Variants in LAMA5 observed in about 807,000 individuals in gnomAD.
The protein encoded by LAMA5 is laminin subunit alpha 5.
In LAMA5, 260 loss-of-function variants were observed where a neutral mutation model predicts 433.4. That is an observed-to-expected ratio of 0.60 (90% CI 0.54 to 0.66). The LOEUF is 0.66. LAMA5 is among the 30% of genes least tolerant of loss of function. LAMA5 has a pLI of 0.00. For missense variants in LAMA5, 5,378 were observed against 5,258.5 expected (o/e 1.02, Z -0.70); for synonymous variants, 2,620 against 2,226.6 (o/e 1.18, Z -4.97).
At position 62,362,527 on chromosome 20, in the gene LAMA5, G is replaced by A; in HGVS notation, c.323C>T (p.Ala108Val). Reference protein sequence around the residue: ...IRGQYCDICTAANSNKAHPAS... With the variant: ...IRGQYCDICTVANSNKAHPAS... ...GGGGTGTGCCTTGTTGCTGTTGGCA[G>A]CCGTGCAGATGTCACAGTACTGGCC... is the stretch of plus-strand genomic sequence containing the variant. Residue 108 changes from alanine to valine, a missense_variant, in exon 2 of 80, where the codon GCT (alanine) becomes GTT (valine). Coordinates refer to ENST00000252999, the MANE Select transcript of LAMA5 (RefSeq NM_005560.6). 2 of 1,599,050 alleles carry A rather than the reference G, an allele frequency of 1.3e-6. No individual in the cohort carries two copies. Among genetic ancestry groups the A allele is most frequent in the Non-Finnish European group, 8.5e-7 (1 of 1,171,764 alleles).
intron 25 of LAMA5, 57 bp from the exon 26 acceptor site, chr20:62,333,300 C>T: frequency 6.3e-7 from 1 of 1,588,970 alleles, no homozygotes; most frequent in East Asian, 2.2e-5. Context: ...CAGAGACAGC[C>T]TGAGTGGGGG....
chr20:62,313,185 C>T lies in LAMA5; in HGVS notation c.8858G>A (p.Arg2953His), dbSNP rs771847671. The T allele has an allele frequency of 7.2e-5, 113 of 1,563,240 alleles. No homozygotes were observed. In the Admixed American group the frequency reaches 9.4e-4, roughly 13 times the overall value. ...GSYLDGTGFA[R>H]ISFDSQISTT... Reference sequence around the variant, plus strand: ...GCTGATCTGACTGTCGAAGCTGATGCGGGCGAAGCCGGTGCCGTCCAGGTA... The same window carrying T: ...GCTGATCTGACTGTCGAAGCTGATGTGGGCGAAGCCGGTGCCGTCCAGGTA... The change falls in exon 65 of 80, where the codon CGC becomes CAC. Residue 2953 changes from arginine to histidine, a missense_variant. Arg to His is a conservative substitution (Grantham distance 29). Transcript: ENST00000252999.
intron 1 of LAMA5, among the ~76,000 whole-genome samples, chr20:62,362,850 C>T (rs77586972): frequency 7.6e-6 from 1 of 131,940 alleles, no homozygotes; most frequent in Non-Finnish European, 1.6e-5. Context: ...AGCGGGGTGG[C>T]GTCTGAGCAC....
intron 53 of LAMA5, 79 bp downstream of exon 53, chr20:62,318,375 G>GGAGGATGAGAGGAGGGGAGGC: frequency 9.7e-7 from 1 of 1,035,678 alleles, no homozygotes; most frequent in Non-Finnish European, 1.4e-6. Context: ...GGAGGGGAGG[G>GGAGGATGAGAGGAGGGGAGGC]GAGGAGCCGG....
chr20:62,310,784 C>T lies in LAMA5; in HGVS notation c.10327G>A (p.Gly3443Arg), dbSNP rs772529811. 5.2e-5 allele frequency: 80 copies of T among 1,551,148 alleles called. 1 individual carries two copies. The highest frequency in any genetic ancestry group is 4.0e-4 in the Admixed American group (21 of 52,860). The change falls in exon 75 of 80, where the codon GGG (glycine) becomes AGG (arginine). Residue 3443 changes from glycine (G) to arginine (R), a missense_variant. By Grantham distance (125) the Gly-to-Arg change is moderately radical (BLOSUM62 -2). Coordinates refer to ENST00000252999, the MANE Select transcript of LAMA5 (RefSeq NM_005560.6). ...EKNRILLVTD[G>R]ARAWSQEGPH... ...CCCTCCTGGCTCCAGGCCCGGGCCC[C>T]GTCCGTCACCAGCAGGATCCGGTTC... is the stretch of plus-strand genomic sequence containing the variant.
chr20:62,335,182 C>T (rs1372428529), intron 19 of LAMA5, 35 bp downstream of exon 19: 1 of 1,612,506 alleles, frequency 6.2e-7, no homozygotes, highest in African/African-American at 1.3e-5. Flanking sequence ...ACCAGTGTGC[C>T]CCCAAATCCC....
chr20:62,353,637 GAAC>G (rs1483867273), intron 2 of LAMA5, among the ~76,000 whole-genome samples: 1 of 152,120 alleles, frequency 6.6e-6, no homozygotes, highest in African/African-American at 2.4e-5. Context: ...GTGGAGGCAG[GAAC>G]ACACCCCAGT....
At chr20:62,350,331 G>A (rs1371947799) in intron 6 of LAMA5, among the ~76,000 whole-genome samples, 1 of 152,098 alleles carries the variant, frequency 6.6e-6, no homozygotes, top group Non-Finnish European at 1.5e-5. Context: ...AGCAACAAGT[G>A]CCTGGGTGGG....
At position 62,311,321 on chromosome 20, in the gene LAMA5, T is replaced by C. The variant is rs758808375; in HGVS notation, c.9943-14A>G. 6.4e-7 allele frequency: 1 copy of C among 1,551,940 alleles called. No individual in the cohort carries two copies. Among genetic ancestry groups the C allele is most frequent in the African/African-American group, 1.4e-5 (1 of 73,444 alleles). On this transcript the variant is annotated splice_polypyrimidine_tract_variant and intron_variant, in intron 72 of 79. Coordinates refer to ENST00000252999, the MANE Select transcript of LAMA5 (RefSeq NM_005560.6). ...GCGGCGGGAGGCCTGGGGGCGTGGA[T>C]GGTGAATGCAGGGGCCGCCCACACA...
In LAMA5 at chr20:62,322,369, G is replaced by T; in HGVS notation, c.6246C>A (p.His2082Gln). The change falls in exon 47 of 80, where the codon CAC becomes CAA. Residue 2082 changes from histidine to glutamine, a missense_variant. Transcript: ENST00000252999. ...GGCAGTGGCACTGTCCGCTCTGGGGGTGGCACTCGGAGCCCTCGGCGGCCG... is the reference window on the plus strand; with the variant it reads ...GGCAGTGGCACTGTCCGCTCTGGGGTTGGCACTCGGAGCCCTCGGCGGCCG... ...CGPAAEGSEC[H>Q]PQSGQCHCRP... 6.3e-7 allele frequency: 1 copy of T among 1,592,214 alleles called. No individual in the cohort carries two copies. The highest frequency in any genetic ancestry group is 1.1e-5 in the South Asian group (1 of 88,430).
intron 6 of LAMA5, among the ~76,000 whole-genome samples, chr20:62,349,404 C>T (rs540706286): frequency 1.1e-4 from 16 of 151,308 alleles, no homozygotes; most frequent in African/African-American, 3.9e-4. Context: ...AGATGACCCA[C>T]AGAGGATCAG....
intron 40 of LAMA5, 135 bp from the exon 41 acceptor site, chr20:62,325,681 G>A (rs1390558778): frequency 1.7e-6 from 1 of 580,134 alleles, no homozygotes; most frequent in Non-Finnish European, 3.0e-6. Context: ...CACACAGGTA[G>A]AAAAACCAGT....
At chr20:62,323,370 A>G in intron 45 of LAMA5, 86 bp downstream of exon 45, 1 of 1,118,238 alleles carries the variant, frequency 8.9e-7, no homozygotes, top group Non-Finnish European at 1.2e-6. Context: ...TCAGGCACAC[A>G]GCCTACTTAC....
chr20:62,336,266 C>A, intron 18 of LAMA5, 74 bp downstream of exon 18: 2 of 1,120,736 alleles, frequency 1.8e-6, no homozygotes, highest in Non-Finnish European at 2.6e-6. Flanking sequence ...CACCCCAACA[C>A]TCCCTCCAGG....
rs1986815997 is a variant in LAMA5 at position 62,367,058 on chromosome 20, G to A, written c.188C>T (p.Thr63Ile). Residue 63 changes from threonine (T) to isoleucine (I), a missense_variant, in exon 1 of 80, where the codon ACC (threonine) becomes ATC (isoleucine). Transcript: ENST00000252999. Reference protein sequence around the residue: ...AEGARIAASATCGEEAPARGS... With the variant: ...AEGARIAASAICGEEAPARGS... The stretch of plus-strand genomic sequence containing the variant: ...GCGCGCCGGGGCCTCCTCTCCGCAG[G>A]TCGCGGAGGCGGCGATGCGGGCGCC... 2 of 1,265,752 alleles carry A rather than the reference G, an allele frequency of 1.6e-6. No individual in the cohort carries two copies. Among genetic ancestry groups the A allele is most frequent in the Non-Finnish European group, 2.0e-6 (2 of 1,008,368 alleles). 78.4% of individuals were successfully genotyped at this position (1,265,752 alleles called of 1,614,324 possible). A position where few individuals can be genotyped will look rare whatever the true frequency, so the allele number is the denominator to read the frequency against.
At chr20:62,354,701 C>A (rs1034717328) in intron 2 of LAMA5, among the ~76,000 whole-genome samples, 2 of 152,158 alleles carry the variant, frequency 1.3e-5, no homozygotes, top group East Asian at 3.9e-4. Context: ...CAAGCCAGGG[C>A]TCAGCCCCTG....
At chr20:62,343,749 C>T (rs1982939121) in intron 11 of LAMA5, among the ~76,000 whole-genome samples, 1 of 112,804 alleles carries the variant, frequency 8.9e-6, no homozygotes, top group South Asian at 3.0e-4. Context: ...GCACTCCAGC[C>T]TGGGCAACTA....
At chr20:62,314,186 G>T in intron 62 of LAMA5, 118 bp downstream of exon 62, 2 of 1,286,346 alleles carry the variant, frequency 1.6e-6, no homozygotes, top group Admixed American at 3.9e-5. Context: ...AGAGGCGAGG[G>T]GTGGCGAGTG....
rs1351582914 is a variant in LAMA5 at position 62,336,729 on chromosome 20, C to A, written c.2217+5G>T. 2 of 1,613,034 alleles carry A rather than the reference C, an allele frequency of 1.2e-6. No homozygotes were observed. Among genetic ancestry groups the A allele is most frequent in the South Asian group, 2.2e-5 (2 of 91,084 alleles). ...TCTCCCACACACGAGCAGACTTGGG[C>A]TCACCTCAGGAAGGGCAGGATCCAC... is the stretch of plus-strand genomic sequence containing the variant. On this transcript the variant is annotated splice_donor_5th_base_variant and intron_variant, in intron 17 of 79. Coordinates refer to ENST00000252999, the MANE Select transcript of LAMA5 (RefSeq NM_005560.6).
Sources: gnomAD v4.1 joint callset for allele counts (sites outside exome capture counted in the v4.1 genomes callset) on GRCh38, gnomAD v4.1.1 for gene constraint, MANE v1.5 for transcripts, NCBI Gene and HGNC (gene_info 2026-07-23, HGNC 2026-07-21) for gene names.